The following CCSAP variants were observed in gnomAD, a reference collection of about 807,000 sequenced individuals.
CCSAP encodes centriole, cilia and spindle associated protein, also known as centriole, cilia and spindle-associated protein.
In CCSAP, 17 loss-of-function variants were observed where a neutral mutation model predicts 25.9. The ratio of observed to expected loss-of-function variants is 0.66; its 90% CI spans 0.45 to 0.99. The LOEUF (loss-of-function observed/expected upper bound fraction) is 0.99, where lower values mean the gene tolerates loss of function less well. Ranked by LOEUF, CCSAP falls within the 50% of genes least tolerant of loss-of-function variation. The probability of loss-of-function intolerance (pLI) is 0.00; values close to 1 mark genes in which losing one functional copy is unlikely to be tolerated. For missense variants in CCSAP, 339 were observed against 367.8 expected, an observed-to-expected ratio of 0.92 and a Z score of 0.64; for synonymous variants, 169 against 157.1, an observed-to-expected ratio of 1.08 and a Z score of -0.57.
At chr1:229,327,288 A>G (rs237804) in intron 2 of CCSAP, 67,111 of 336,884 alleles carry the variant, frequency 0.2, 7,187 homozygotes, top group African/African-American at 0.29. Flanking sequence ...TGGAATGTTA[A>G]AAGATAGACA....
intron 2 of CCSAP, among the ~76,000 whole-genome samples, chr1:229,332,290 C>T (rs761992972): frequency 6.6e-6 from 1 of 151,968 alleles, no homozygotes; most frequent in Non-Finnish European, 1.5e-5. Flanking sequence ...CCTCGACTTT[C>T]GACTGGTGGG....
chr1:229,324,743 C>T lies in CCSAP; in HGVS notation c.*492G>A, dbSNP rs1229113189. 3 of 152,616 alleles carry T rather than the reference C, an allele frequency of 2.0e-5. No homozygotes were observed. The highest frequency in any genetic ancestry group is 7.3e-5 in the African/African-American group (3 of 41,330). The allele number at this position is 152,616 out of a possible 1,614,324, so 9.5% of individuals were successfully genotyped here. On this transcript the variant is annotated 3_prime_UTR_variant, in exon 4 of 4. Coordinates refer to ENST00000284617, the MANE Select transcript of CCSAP (RefSeq NM_145257.5). Reference sequence around the variant, plus strand: ...CATGGAATCAGTAGTAGTGCTGACACTCATTTTTGACTTGATATTCTTTCA... The same window carrying T: ...CATGGAATCAGTAGTAGTGCTGACATTCATTTTTGACTTGATATTCTTTCA...
intron 2 of CCSAP, among the ~76,000 whole-genome samples, chr1:229,330,881 A>G (rs922467059): frequency 6.6e-6 from 1 of 151,902 alleles, no homozygotes; most frequent in Admixed American, 6.6e-5. Context: ...CAAAAATTAC[A>G]GAGAGATTGG....
chr1:229,336,967 T>C (rs948290941), intron 2 of CCSAP, among the ~76,000 whole-genome samples: 3 of 151,994 alleles, frequency 2.0e-5, no homozygotes, highest in African/African-American at 7.3e-5. Flanking sequence ...TCCCAGAAAA[T>C]AGAACCAAAA....
Position 229,342,087 on chromosome 1 carries a change from C to A in CCSAP, c.367+12G>T. 2 of 1,333,750 alleles carry A rather than the reference C, an allele frequency of 1.5e-6. No homozygotes were observed. The highest frequency in any genetic ancestry group is 2.9e-5 in the East Asian group (1 of 34,548). The allele number at this position is 1,333,750 out of a possible 1,614,324, so 82.6% of individuals were successfully genotyped here. ...CGTGCAGGCCCCTCGCGCTCCCCTC[C>A]GGGCCGGGTACCTGGCAGAGCCGCG... On this transcript the variant is annotated intron_variant, in intron 2 of 3. Transcript: ENST00000284617. The surrounding 1 kb of genome is among the most constrained non-coding windows in gnomAD (Gnocchi z 7.5).
At chr1:229,336,127 A>T (rs1443498981) in intron 2 of CCSAP, among the ~76,000 whole-genome samples, 1 of 148,412 alleles carries the variant, frequency 6.7e-6, no homozygotes, top group Non-Finnish European at 1.5e-5. Flanking sequence ...TTTGGTATCC[A>T]TGGGGGTATC....
chr1:229,322,620 C>T lies in CCSAP; in HGVS notation c.*2615G>A, dbSNP rs1035458004. ...TAGGGGGGAGAACACACATAACATA[C>T]ATATAACCAGAGGTGCCAAGTATTT... On this transcript the variant is annotated 3_prime_UTR_variant, in exon 4 of 4. Transcript: ENST00000284617. The T allele has an allele frequency of 2.6e-5, 4 of 152,040 alleles. No individual in the cohort carries two copies. Among genetic ancestry groups the T allele is most frequent in the African/African-American group, 9.7e-5 (4 of 41,386 alleles). 9.4% of individuals were successfully genotyped at this position (152,040 alleles called of 1,614,324 possible). A position where few individuals can be genotyped will look rare whatever the true frequency, so the allele number is the denominator to read the frequency against.
rs994485041 is a variant in CCSAP, at chr1:229,321,322, A to C, written c.*3913T>G. Reference sequence around the variant, plus strand: ...AAAATGGAAATAATATTAAAAGAGCAATCGATTTTTTTCCATCTCACACTA... The same window carrying C: ...AAAATGGAAATAATATTAAAAGAGCCATCGATTTTTTTCCATCTCACACTA... On this transcript the variant is annotated 3_prime_UTR_variant, in exon 4 of 4. Transcript: ENST00000284617. The C allele has an allele frequency of 6.6e-6, 1 of 152,204 alleles. No individual in the cohort carries two copies. Among genetic ancestry groups the C allele is most frequent in the Non-Finnish European group, 1.5e-5 (1 of 68,010 alleles). The allele number at this position is 152,204 out of a possible 1,614,324, so 9.4% of individuals were successfully genotyped here.
At position 229,340,300 on chromosome 1, in the gene CCSAP, T is replaced by G. The variant is rs530543828; in HGVS notation, c.367+1799A>C. On this transcript the variant is annotated intron_variant, in intron 2 of 3. Transcript: ENST00000284617. ...AGTCCTGAAAGCAGAAAACATCCTT[T>G]CTTCTTCCTGATGCCTAAACCAGAA... 2.9e-4 allele frequency: 197 copies of G among 675,532 alleles called. 2 individuals are homozygous for G. The South Asian group carries it at 3.1e-3, about 11-fold the overall frequency. 41.8% of individuals were successfully genotyped at this position (675,532 alleles called of 1,614,324 possible).
At chr1:229,329,155 T>TGA (rs909763204) in intron 2 of CCSAP, among the ~76,000 whole-genome samples, 36 of 152,134 alleles carry the variant, frequency 2.4e-4, no homozygotes, top group Non-Finnish European at 4.4e-5. Flanking sequence ...ACAGTGATAC[T>TGA]GAGAGAGAGA....
At chr1:229,330,684 T>C (rs1336067267) in intron 2 of CCSAP, among the ~76,000 whole-genome samples, 1 of 151,040 alleles carries the variant, frequency 6.6e-6, no homozygotes, top group African/African-American at 2.4e-5. Context: ...CTAGTAAAAA[T>C]ACAAAAACTA....
At chr1:229,326,013 TC>T (rs1657932693) in intron 3 of CCSAP, among the ~76,000 whole-genome samples, 1 of 152,242 alleles carries the variant, frequency 6.6e-6, no homozygotes, top group Non-Finnish European at 1.5e-5. Flanking sequence ...TATCTAGAAC[TC>T]AAGCAGTTTG....
At position 229,342,486 on chromosome 1, in the gene CCSAP, G is replaced by C; in HGVS notation, c.-21C>G. Reference sequence around the variant, plus strand: ...GACATGGTGCCGTCCGCCGCCTCGAGCGCCAGCCGCTCCTCGCTGCCCGCA... The same window carrying C: ...GACATGGTGCCGTCCGCCGCCTCGACCGCCAGCCGCTCCTCGCTGCCCGCA... On this transcript the variant is annotated 5_prime_UTR_variant, in exon 2 of 4. Coordinates refer to ENST00000284617, the MANE Select transcript of CCSAP (RefSeq NM_145257.5). The surrounding 1 kb of genome is among the most constrained non-coding windows in gnomAD (Gnocchi z 7.5). 7.6e-7 allele frequency: 1 copy of C among 1,312,938 alleles called. No individual in the cohort carries two copies. Among genetic ancestry groups the C allele is most frequent in the Non-Finnish European group, 9.7e-7 (1 of 1,029,282 alleles). 81.3% of individuals were successfully genotyped at this position (1,312,938 alleles called of 1,614,324 possible). A position where few individuals can be genotyped will look rare whatever the true frequency, so the allele number is the denominator to read the frequency against.
intron 2 of CCSAP, among the ~76,000 whole-genome samples, chr1:229,337,678 A>AAAAAAAAAAAAAAAAAAAAAATATAT: frequency 1.5e-5 from 1 of 65,510 alleles, no homozygotes; most frequent in African/African-American, 6.0e-5. Flanking sequence ...CTCAAAAAAA[A>AAAAAAAAAAAAAAAAAAAAAATATAT]ATATATATAT....
intron 2 of CCSAP, 100 bp from the exon 3 acceptor site, chr1:229,327,106 AT>A: frequency 1.0e-6 from 1 of 986,616 alleles, no homozygotes; most frequent in Non-Finnish European, 1.4e-6. Context: ...AGACAGTAAC[AT>A]TTTCACTTAT....
rs192961328 is a variant in CCSAP at position 229,333,228 on chromosome 1, A to T, written c.368-6222T>A. ...CGGGCAGATCACGAGGTCAGGAGAT[A>T]GAGACCATCCTGGGTAACACGGTGA... On this transcript the variant is annotated intron_variant, in intron 2 of 3. Coordinates refer to ENST00000284617, the MANE Select transcript of CCSAP (RefSeq NM_145257.5). 5.2e-4 allele frequency among the ~76,000 whole-genome samples: 79 copies of T among 151,926 alleles called. 1 individual carries two copies. The highest frequency in any genetic ancestry group is 4.4e-3 in the South Asian group (21 of 4,802).
rs747137823 is a variant in CCSAP at position 229,326,884 on chromosome 1, T to C, written c.490A>G (p.Arg164Gly). The change falls in exon 3 of 4, where the codon AGG (arginine) becomes GGG (glycine). Residue 164 changes from arginine (R) to glycine (G), a missense_variant. Arg to Gly is a moderately radical substitution (Grantham distance 125, BLOSUM62 -2). Coordinates refer to ENST00000284617, the MANE Select transcript of CCSAP (RefSeq NM_145257.5). ...CTTTGGGGACTTTTGACCGCTTTCC[T>C]GTTTCCTCTAGCAAATAAGGCACTT... ...QPSALFARGNRKAVKSPQRSS... is the reference protein window; with the variant it reads ...QPSALFARGNGKAVKSPQRSS... The C allele has an allele frequency of 4.7e-5, 76 of 1,614,120 alleles. No homozygotes were observed. In the East Asian group the frequency reaches 1.6e-3, roughly 35 times the overall value.
At position 229,342,502 on chromosome 1, in the gene CCSAP, G is replaced by C; in HGVS notation, c.-37C>G. 1.5e-6 allele frequency: 2 copies of C among 1,294,982 alleles called. No homozygotes were observed. Among genetic ancestry groups the C allele is most frequent in the South Asian group, 5.0e-5 (2 of 39,844 alleles). 80.2% of individuals were successfully genotyped at this position (1,294,982 alleles called of 1,614,324 possible). ...CCGCCTCGAGCGCCAGCCGCTCCTC[G>C]CTGCCCGCAGCCTACGGGACCCGGT... On this transcript the variant is annotated 5_prime_UTR_variant, in exon 2 of 4. Transcript: ENST00000284617. The surrounding 1 kb of genome is among the most constrained non-coding windows in gnomAD (Gnocchi z 7.5).
chr1:229,333,900 TAAC>T (rs886580662), intron 2 of CCSAP, among the ~76,000 whole-genome samples: 23 of 152,058 alleles, frequency 1.5e-4, no homozygotes, highest in Non-Finnish European at 8.8e-5. Flanking sequence ...TAATAATAAT[TAAC>T]AAATAAATAA....
Sources: gnomAD v4.1 joint callset for allele counts (sites outside exome capture counted in the v4.1 genomes callset) on GRCh38, gnomAD v4.1.1 for gene constraint, Gnocchi (gnomAD v3.1) non-coding constraint, MANE v1.5 for transcripts, NCBI Gene and HGNC (gene_info 2026-07-23, HGNC 2026-07-21) for gene names.